RALGAPB: variants seen among roughly 807,000 people sequenced by gnomAD.
RALGAPB encodes ral GTPase-activating protein subunit beta.
RALGAPB carries 25 observed loss-of-function variants against 161.1 expected under a neutral mutation model. That is an observed-to-expected ratio of 0.16 (90% CI 0.11 to 0.22). RALGAPB has a LOEUF of 0.22. RALGAPB is among the 10% of genes least tolerant of loss of function. The pLI, the probability that RALGAPB is intolerant of heterozygous loss-of-function variation, is 1.00. For synonymous variants in RALGAPB, 629 were observed against 626.1 expected (o/e 1.00, Z -0.07); for missense variants, 1,391 against 1,815.2 (o/e 0.77, Z 4.25).
Position 38,517,594 on chromosome 20 carries a change from C to G in RALGAPB, c.1140C>G (p.Pro380=), listed in dbSNP as rs568933534. 90 of 1,614,002 alleles carry G rather than the reference C, an allele frequency of 5.6e-5. No homozygotes were observed. The South Asian group carries it at 7.4e-4, about 13-fold the overall frequency. Residue 380 remains proline (P), a synonymous_variant, in exon 8 of 30, where the codon CCC becomes CCG. Coordinates refer to ENST00000262879, the MANE Select transcript of RALGAPB (RefSeq NM_020336.4). ...MPQSAAVSTT[P]PHNRRHRAVT... The stretch of plus-strand genomic sequence containing the variant: ...AAAGTGCTGCTGTCAGTACCACCCC[C>G]CCACATAACCGGAGGCACCGGGCTG...
At chr20:38,513,646 C>CAA (rs552989712) in intron 6 of RALGAPB, among the ~76,000 whole-genome samples, 4 of 91,742 alleles carry the variant, frequency 4.4e-5, no homozygotes, top group Non-Finnish European at 2.5e-5. Context: ...AAGACTGTCT[C>CAA]AAAAAAAAAA....
intron 6 of RALGAPB, among the ~76,000 whole-genome samples, chr20:38,513,619 AGCC>A (rs1209739922): frequency 1.3e-5 from 2 of 151,492 alleles, no homozygotes; most frequent in East Asian, 1.9e-4. Context: ...ACTGTACTCT[AGCC>A]TGGGCAACAG....
intron 17 of RALGAPB, 64 bp from the exon 18 acceptor site, chr20:38,540,977 G>A: frequency 6.4e-7 from 1 of 1,557,158 alleles, no homozygotes; most frequent in East Asian, 2.3e-5. Flanking sequence ...CATTTGGATG[G>A]ATTTCCTTGT....
At chr20:38,541,233 A>G (rs2086954201) in intron 18 of RALGAPB, 41 bp downstream of exon 18, 1 of 1,603,984 alleles carries the variant, frequency 6.2e-7, no homozygotes, top group East Asian at 2.2e-5. Flanking sequence ...TAGGAATTAG[A>G]TGGGGTTAGC....
intron 3 of RALGAPB, 111 bp from the exon 4 acceptor site, chr20:38,497,242 T>G: frequency 3.1e-6 from 3 of 957,310 alleles, no homozygotes; most frequent in Non-Finnish European, 4.7e-6. Context: ...CTGCTGATAA[T>G]ATTAGGGAGC....
chr20:38,490,333 C>T (rs1428543868), intron 2 of RALGAPB, among the ~76,000 whole-genome samples: 6 of 151,730 alleles, frequency 4.0e-5, no homozygotes, highest in Admixed American at 2.0e-4. Flanking sequence ...CTCAGCCTCT[C>T]GAGTAGCTGG....
chr20:38,570,060 C>T, intron 27 of RALGAPB, 64 bp downstream of exon 27: 1 of 1,371,534 alleles, frequency 7.3e-7, no homozygotes, highest in East Asian at 2.3e-5. Context: ...TGCTAAATGT[C>T]TACAGGGAGT....
Position 38,525,953 on chromosome 20 carries a change from C to A in RALGAPB, c.1961C>A (p.Thr654Asn), listed in dbSNP as rs2086451674. ...AGCTCTTCTTATGATAAACCAATAA[C>A]TTTTCTGTCCCTGAAGTTGAGACTT... ...DDSSSYDKPI[T>N]FLSLKLRLVN... The change falls in exon 13 of 30, where the codon ACT becomes AAT. Residue 654 changes from threonine (T) to asparagine (N), a missense_variant. By Grantham distance (65) the Thr-to-Asn change is moderately conservative (BLOSUM62 0). Coordinates refer to ENST00000262879, the MANE Select transcript of RALGAPB (RefSeq NM_020336.4). The A allele has an allele frequency of 6.2e-7, 1 of 1,613,724 alleles. No homozygotes were observed. Among genetic ancestry groups the A allele is most frequent in the Admixed American group, 1.7e-5 (1 of 59,948 alleles).
chr20:38,481,218 G>C (rs141931628), intron 1 of RALGAPB, among the ~76,000 whole-genome samples: 2 of 151,954 alleles, frequency 1.3e-5, no homozygotes, highest in Non-Finnish European at 2.9e-5. Flanking sequence ...TTGAACTTCC[G>C]TGGTGTCTTG....
intron 5 of RALGAPB, among the ~76,000 whole-genome samples, chr20:38,500,668 G>C (rs1008539656): frequency 1.3e-5 from 2 of 152,194 alleles, no homozygotes; most frequent in African/African-American, 4.8e-5. Flanking sequence ...GTTTAATTAG[G>C]AAGGTGTGTT....
At chr20:38,560,757 A>G (rs1374230711) in intron 23 of RALGAPB, among the ~76,000 whole-genome samples, 1 of 152,184 alleles carries the variant, frequency 6.6e-6, no homozygotes, top group East Asian at 1.9e-4. Context: ...GAATTAATGA[A>G]GATTTCCTGA....
chr20:38,508,109 TTATA>T (rs1165857373), intron 5 of RALGAPB, among the ~76,000 whole-genome samples: 1 of 151,136 alleles, frequency 6.6e-6, no homozygotes, highest in African/African-American at 2.4e-5. Flanking sequence ...TATTGTATGA[TTATA>T]TAATTATATA....
At chr20:38,501,553 C>T (rs2085595307) in intron 5 of RALGAPB, among the ~76,000 whole-genome samples, 2 of 152,156 alleles carry the variant, frequency 1.3e-5, no homozygotes, top group Non-Finnish European at 2.9e-5. Context: ...CAGAGGTGTG[C>T]CAACATGTCC....
At chr20:38,545,395 C>A (rs2087129704) in intron 18 of RALGAPB, among the ~76,000 whole-genome samples, 1 of 151,954 alleles carries the variant, frequency 6.6e-6, no homozygotes, top group Admixed American at 6.6e-5. Context: ...AGATAGGTAC[C>A]ATTATTCCCA....
chr20:38,516,883 T>C (rs1290945326), intron 7 of RALGAPB, among the ~76,000 whole-genome samples: 2 of 152,242 alleles, frequency 1.3e-5, no homozygotes, highest in South Asian at 2.1e-4. Context: ...TTTTAACCTG[T>C]TGAAAGGCAG....
chr20:38,545,033 A>G (rs2087116560), intron 18 of RALGAPB, among the ~76,000 whole-genome samples: 1 of 152,110 alleles, frequency 6.6e-6, no homozygotes, highest in Non-Finnish European at 1.5e-5. Context: ...CATTATTTTT[A>G]GTCTTTAAGA....
intron 1 of RALGAPB, among the ~76,000 whole-genome samples, chr20:38,476,667 T>C (rs2084812004): frequency 6.6e-6 from 1 of 152,192 alleles, no homozygotes; most frequent in South Asian, 2.1e-4. Context: ...CCTATCAAAG[T>C]TGAGAAGATC....
chr20:38,551,673 T>C (rs969310976), intron 21 of RALGAPB, among the ~76,000 whole-genome samples: 21 of 152,164 alleles, frequency 1.4e-4, no homozygotes, highest in Non-Finnish European at 1.3e-4. Flanking sequence ...ATTTTGAGCT[T>C]GAGTGACAAA....
At chr20:38,541,911 G>A (rs1376848652) in intron 18 of RALGAPB, among the ~76,000 whole-genome samples, 6 of 152,180 alleles carry the variant, frequency 3.9e-5, no homozygotes, top group Admixed American at 3.9e-4. Flanking sequence ...TACAGGGTGG[G>A]TAAAAAGGCA....
Sources: allele counts gnomAD v4.1 joint callset (sites outside exome capture counted in the v4.1 genomes callset), GRCh38; gene constraint gnomAD v4.1.1; transcripts MANE v1.5; gene names NCBI Gene and HGNC (gene_info 2026-07-23, HGNC 2026-07-21).